Variants in PRDM2 observed in about 807,000 individuals in gnomAD.
PRDM2 encodes the protein PR/SET domain 2, also known as PR domain zinc finger protein 2.
In PRDM2, 30 loss-of-function variants were observed where a neutral mutation model predicts 130.0. The ratio of observed to expected loss-of-function variants is 0.23; its 90% CI spans 0.17 to 0.31. The LOEUF (loss-of-function observed/expected upper bound fraction) is 0.31, where lower values mean the gene tolerates loss of function less well. Ranked by LOEUF, PRDM2 falls within the 10% of genes least tolerant of loss-of-function variation. The pLI, the probability that PRDM2 is intolerant of heterozygous loss-of-function variation, is 1.00. For synonymous variants in PRDM2, 871 were observed against 782.4 expected (o/e 1.11, Z -1.89); for missense variants, 2,011 against 2,108.4 (o/e 0.95, Z 0.90).
intron 3 of PRDM2, 56 bp downstream of exon 3, chr1:13,731,173 A>C: frequency 7.1e-7 from 1 of 1,408,238 alleles, no homozygotes; most frequent in Non-Finnish European, 1.0e-6. Flanking sequence ...GGTGGCAGTG[A>C]GGCTTCCTGC....
At chr1:13,801,206 C>T (rs1487162899) in intron 8 of PRDM2, among the ~76,000 whole-genome samples, 1 of 152,160 alleles carries the variant, frequency 6.6e-6, no homozygotes, top group Non-Finnish European at 1.5e-5. Flanking sequence ...AGGCCAGGGC[C>T]CTTCTGTGCA....
intron 8 of PRDM2, among the ~76,000 whole-genome samples, chr1:13,812,890 C>T (rs1211011906): frequency 6.6e-6 from 1 of 152,154 alleles, no homozygotes; most frequent in Non-Finnish European, 1.5e-5. Flanking sequence ...TGTTGGCAGG[C>T]TGGCAGGGAC....
intron 9 of PRDM2, among the ~76,000 whole-genome samples, chr1:13,822,416 G>A (rs1272266697): frequency 3.7e-5 from 5 of 134,848 alleles, no homozygotes; most frequent in African/African-American, 8.3e-5. Context: ...TTTTTTTTGA[G>A]ACAGAGTCTC....
At position 13,780,986 on chromosome 1, in the gene PRDM2, TTTC is replaced by T. The variant is rs768936459; in HGVS notation, c.3198_3200del (p.Ser1072del). The T allele has an allele frequency of 2.6e-5, 42 of 1,601,220 alleles. No individual in the cohort carries two copies. The highest frequency in any genetic ancestry group is 3.3e-5 in the Non-Finnish European group (38 of 1,168,620). On this transcript the variant is annotated inframe_deletion, in exon 8 of 10. Transcript: ENST00000311066. ...TCTTCATCTTCCTCCTCCTCTTCGT[TTTC>T]TTCTTCATCTTCCTCCTCTTCTCCT...
chr1:13,714,030 A>G (rs1159528884), intron 1 of PRDM2, among the ~76,000 whole-genome samples: 1 of 152,046 alleles, frequency 6.6e-6, no homozygotes, highest in Non-Finnish European at 1.5e-5. Flanking sequence ...CACCACACCC[A>G]GCTAATTTTT....
chr1:13,813,140 C>G (rs1645200462), intron 8 of PRDM2, among the ~76,000 whole-genome samples: 1 of 152,176 alleles, frequency 6.6e-6, no homozygotes, highest in African/African-American at 2.4e-5. Context: ...TGCACGGAGA[C>G]CTTTCTCCAA....
chr1:13,801,667 CTT>C (rs1014438882), intron 8 of PRDM2, among the ~76,000 whole-genome samples: 110 of 152,356 alleles, frequency 7.2e-4, no homozygotes, highest in African/African-American at 2.5e-3. Flanking sequence ...ATAACAAACA[CTT>C]AGCACAGTGC....
Position 13,771,399 on chromosome 1 carries a change from C to T in PRDM2, c.512-1679C>T, listed in dbSNP as rs1256351604. Among the ~76,000 whole-genome samples, 1 of 152,132 alleles carries T rather than the reference C, an allele frequency of 6.6e-6. No individual in the cohort carries two copies. The highest frequency in any genetic ancestry group is 2.4e-5 in the African/African-American group (1 of 41,410). ...ATTTATTTGCTCAAACCCTGATAAA[C>T]GTAGTGGCAAAAACATCGGATTTCC... is the stretch of plus-strand genomic sequence containing the variant. On this transcript the variant is annotated intron_variant, in intron 6 of 9. Coordinates refer to ENST00000311066, the MANE Select transcript of PRDM2 (RefSeq NM_001393986.1). The surrounding 1 kb of genome is among the most constrained non-coding windows in gnomAD (Gnocchi z 4.1).
At chr1:13,814,500 T>A (rs1305116417) in intron 8 of PRDM2, among the ~76,000 whole-genome samples, 4 of 152,242 alleles carry the variant, frequency 2.6e-5, no homozygotes, top group Non-Finnish European at 5.9e-5. Context: ...TATTTTAATA[T>A]TGATTGAGGG....
intron 8 of PRDM2, among the ~76,000 whole-genome samples, chr1:13,784,630 A>T (rs1644696627): frequency 6.6e-6 from 1 of 152,202 alleles, no homozygotes; most frequent in African/African-American, 2.4e-5. Flanking sequence ...GCTACAAAGG[A>T]CTAAAGGGCC....
At chr1:13,787,113 AC>A (rs1425674245) in intron 8 of PRDM2, 1 of 985,214 alleles carries the variant, frequency 1.0e-6, no homozygotes, top group African/African-American at 1.7e-5. Context: ...TGGAGAGGAA[AC>A]CAGATTGGAT....
intron 1 of PRDM2, chr1:13,705,590 A>ATC (rs1413079042): frequency 2.6e-5 from 4 of 152,040 alleles, no homozygotes; most frequent in Non-Finnish European, 5.9e-5. Context: ...CTGAATCTCC[A>ATC]TCTCCATGTT....
chr1:13,766,980 G>A (rs1557633760), intron 6 of PRDM2, among the ~76,000 whole-genome samples: 1 of 152,160 alleles, frequency 6.6e-6, no homozygotes, highest in African/African-American at 2.4e-5. Context: ...TAGGCTAGTA[G>A]AACATAGTCC....
intron 6 of PRDM2, 112 bp from the exon 7 acceptor site, chr1:13,772,966 C>A: frequency 1.5e-6 from 1 of 653,946 alleles, no homozygotes; most frequent in Non-Finnish European, 2.5e-6. Flanking sequence ...ATACAGTGTT[C>A]TTGATTGGAT....
chr1:13,700,385 C>G (rs1642032295), intron 1 of PRDM2, 85 bp downstream of exon 1: 1 of 149,476 alleles, frequency 6.7e-6, no homozygotes, highest in Admixed American at 6.7e-5. Flanking sequence ...GCGACGGCGG[C>G]GGCGACACGC....
intron 8 of PRDM2, chr1:13,787,465 C>T (rs1644765157): frequency 2.0e-6 from 2 of 985,134 alleles, no homozygotes; most frequent in South Asian, 4.7e-5. Flanking sequence ...TTTATTCATA[C>T]TGTTTTTTGT....
At chr1:13,823,091 A>C (rs752802911) in intron 9 of PRDM2, 68 bp from the exon 10 acceptor site, 47 of 1,453,526 alleles carry the variant, frequency 3.2e-5, no homozygotes, top group Non-Finnish European at 4.2e-5. Flanking sequence ...GCAATAACGC[A>C]TGGACCACCA....
chr1:13,747,790 GAAAC>G (rs1465497050), intron 5 of PRDM2, among the ~76,000 whole-genome samples: 8 of 123,246 alleles, frequency 6.5e-5, no homozygotes, highest in East Asian at 4.8e-4. Context: ...AAAAAAAAAA[GAAAC>G]AAAAAACAAA....
chr1:13,805,175 T>C (rs1006067120), intron 8 of PRDM2, among the ~76,000 whole-genome samples: 1 of 152,112 alleles, frequency 6.6e-6, no homozygotes, highest in Non-Finnish European at 1.5e-5. Context: ...TCCTGGTGTA[T>C]AGAAAGTGCT....
Sources: allele counts gnomAD v4.1 joint callset (sites outside exome capture counted in the v4.1 genomes callset), GRCh38; gene constraint gnomAD v4.1.1; non-coding constraint Gnocchi (gnomAD v3.1); transcripts MANE v1.5; gene names NCBI Gene and HGNC (gene_info 2026-07-23, HGNC 2026-07-21).